The following SYT10 variants were observed in gnomAD, a reference collection of about 807,000 sequenced individuals.
SYT10 encodes the protein synaptotagmin 10.
Under a neutral mutation model 51.1 loss-of-function variants are expected in SYT10, and 31 were observed. The observed-to-expected ratio is 0.61, with a 90% CI of 0.46 to 0.82. The LOEUF is 0.82. Among genes scored for constraint, SYT10 ranks in the 40% least tolerant of loss-of-function variants. SYT10 has a pLI of 0.00. For missense variants in SYT10, 603 were observed against 634.0 expected, an observed-to-expected ratio of 0.95 and a Z score of 0.53; for synonymous variants, 233 against 225.9, an observed-to-expected ratio of 1.03 and a Z score of -0.28.
chr12:33,432,361 G>T (rs1157942620), intron 1 of SYT10: 1 of 151,878 alleles, frequency 6.6e-6, no homozygotes, highest in East Asian at 1.9e-4. Flanking sequence ...GCTCATAATT[G>T]AGTAAATTAT....
Position 33,439,805 on chromosome 12 carries a change from G to C in SYT10, c.-283C>G, listed in dbSNP as rs1378004200. The C allele has an allele frequency of 2.2e-6, 1 of 448,770 alleles. No homozygotes were observed. Among genetic ancestry groups the C allele is most frequent in the Non-Finnish European group, 4.0e-6 (1 of 250,298 alleles). The allele number at this position is 448,770 out of a possible 1,614,324, so 27.8% of individuals were successfully genotyped here. A position where few individuals can be genotyped will look rare whatever the true frequency, so the allele number is the denominator to read the frequency against. On this transcript the variant is annotated 5_prime_UTR_variant, in exon 1 of 7. Coordinates refer to ENST00000228567, the MANE Select transcript of SYT10 (RefSeq NM_198992.4). ...CGAGCCGAGGCGCGCTGGAACTAGA[G>C]ACCCGGCATGGAGTGCTGAGGGGAG...
At chr12:33,407,396 T>C in intron 2 of SYT10, 40 bp from the exon 3 acceptor site, 79 of 1,546,980 alleles carry the variant, frequency 5.1e-5, no homozygotes, top group Non-Finnish European at 6.1e-5. Context: ...TTGAGGGAGA[T>C]CATTTTGATG....
intron 5 of SYT10, among the ~76,000 whole-genome samples, chr12:33,380,349 A>G (rs1033430463): frequency 3.9e-5 from 6 of 152,224 alleles, no homozygotes; most frequent in African/African-American, 1.4e-4. Context: ...TTAATGTTTT[A>G]TAACGATGTT....
chr12:33,399,189 C>T (rs546744660), intron 3 of SYT10, among the ~76,000 whole-genome samples: 8 of 152,276 alleles, frequency 5.3e-5, no homozygotes, highest in Admixed American at 2.0e-4. Context: ...CGGTTGGGAG[C>T]TATTCCTTAA....
At chr12:33,395,195 A>C (rs1015487955) in intron 3 of SYT10, among the ~76,000 whole-genome samples, 2 of 152,246 alleles carry the variant, frequency 1.3e-5, no homozygotes, top group Non-Finnish European at 2.9e-5. Flanking sequence ...AAGCCAGCAG[A>C]TAAGGTACTA....
Position 33,439,621 on chromosome 12 carries a change from C to T in SYT10, c.-99G>A. 7.0e-7 allele frequency: 1 copy of T among 1,425,456 alleles called. No individual in the cohort carries two copies. The highest frequency in any genetic ancestry group is 9.4e-7 in the Non-Finnish European group (1 of 1,061,546). 88.3% of individuals were successfully genotyped at this position (1,425,456 alleles called of 1,614,324 possible). ...TCTGGCGCCCTAAGCCATAGTCCGC[C>T]CGCGGTGACTTTGGCTGGAGATTGC... On this transcript the variant is annotated 5_prime_UTR_variant, in exon 1 of 7. Transcript: ENST00000228567.
chr12:33,415,627 A>G (rs1409507586), intron 2 of SYT10, among the ~76,000 whole-genome samples: 1 of 152,192 alleles, frequency 6.6e-6, no homozygotes, highest in Non-Finnish European at 1.5e-5. Flanking sequence ...TCTCTATTTT[A>G]ATATTAAAAT....
rs1242122928 is a variant in SYT10, at chr12:33,439,657, G to A, written c.-135C>T. ...TTGGCTGGAGATTGCGCCGCTGAGA[G>A]CCGGCAACTCTTAGGAGCCCCACGT... On this transcript the variant is annotated 5_prime_UTR_variant, in exon 1 of 7. Transcript: ENST00000228567. 3 of 1,114,350 alleles carry A rather than the reference G, an allele frequency of 2.7e-6. No individual in the cohort carries two copies. Among genetic ancestry groups the A allele is most frequent in the Non-Finnish European group, 2.5e-6 (2 of 792,830 alleles). 69.0% of individuals were successfully genotyped at this position (1,114,350 alleles called of 1,614,324 possible).
intron 3 of SYT10, among the ~76,000 whole-genome samples, chr12:33,386,990 A>G (rs1379996390): frequency 6.6e-6 from 1 of 152,228 alleles, no homozygotes; most frequent in East Asian, 1.9e-4. Flanking sequence ...ACAATGGACA[A>G]TTTAGGATGC....
chr12:33,380,085 C>A, intron 5 of SYT10, 124 bp from the exon 6 acceptor site: 1 of 981,058 alleles, frequency 1.0e-6, no homozygotes, highest in Non-Finnish European at 1.4e-6. Context: ...GCAGATTATG[C>A]TACTTCAGAC....
intron 2 of SYT10, among the ~76,000 whole-genome samples, chr12:33,415,901 C>G (rs541349041): frequency 6.6e-6 from 1 of 152,274 alleles, no homozygotes; most frequent in East Asian, 1.9e-4. Context: ...TATCCTTAAT[C>G]CCTTTTTAGA....
intron 1 of SYT10, among the ~76,000 whole-genome samples, chr12:33,430,690 A>T (rs1866589940): frequency 6.6e-6 from 1 of 152,220 alleles, no homozygotes; most frequent in South Asian, 2.1e-4. Context: ...ATAAATTAAT[A>T]TAATTTAGTT....
intron 1 of SYT10, among the ~76,000 whole-genome samples, chr12:33,436,648 T>C (rs1866640169): frequency 6.6e-6 from 1 of 152,184 alleles, no homozygotes; most frequent in East Asian, 1.9e-4. Context: ...TTCACTGGCA[T>C]TTGCAAAACC....
Position 33,376,229 on chromosome 12 carries a change from A to G in SYT10, c.*601T>C, listed in dbSNP as rs2389194. The stretch of plus-strand genomic sequence containing the variant: ...ATTCTTTAAATTTACAGCTTTGTCT[A>G]TGTATTTTAAAGAACAAGCTTGAGA... On this transcript the variant is annotated 3_prime_UTR_variant, in exon 7 of 7. Coordinates refer to ENST00000228567, the MANE Select transcript of SYT10 (RefSeq NM_198992.4). The G allele has an allele frequency of 0.72, 109,099 of 152,110 alleles. 40,747 individuals carry two copies. The highest frequency in any genetic ancestry group is 0.95 in the East Asian group (4,921 of 5,184). The allele number at this position is 152,110 out of a possible 1,614,324, so 9.4% of individuals were successfully genotyped here.
chr12:33,415,154 C>G (rs1401911941), intron 2 of SYT10, among the ~76,000 whole-genome samples: 1 of 152,146 alleles, frequency 6.6e-6, no homozygotes. Flanking sequence ...GTAGTGAGGG[C>G]AAATTTAGGC....
At chr12:33,421,654 AG>A (rs1866505993) in intron 2 of SYT10, among the ~76,000 whole-genome samples, 1 of 152,142 alleles carries the variant, frequency 6.6e-6, no homozygotes, top group Non-Finnish European at 1.5e-5. Flanking sequence ...GTGGAATAGG[AG>A]GGCATAAAAG....
At chr12:33,426,652 C>A (rs188706542) in intron 1 of SYT10, among the ~76,000 whole-genome samples, 157 bp from the exon 2 acceptor site, 159 of 152,336 alleles carry the variant, frequency 1.0e-3, no homozygotes, top group African/African-American at 3.7e-3. Context: ...GGTTAATAAT[C>A]ATTCCTGGAA....
At position 33,409,202 on chromosome 12, in the gene SYT10, G is replaced by C. The variant is rs554721598; in HGVS notation, c.510-1846C>G. Among the ~76,000 whole-genome samples the C allele has an allele frequency of 1.6e-4, 24 of 152,226 alleles. No homozygotes were observed. The East Asian group carries it at 4.6e-3, about 29-fold the overall frequency. On this transcript the variant is annotated intron_variant, in intron 2 of 6. Transcript: ENST00000228567. ...TTGCATGATTAATATTTGATTCACT[G>C]ATGCACACATGAAGCTCGATTTCTT...
chr12:33,402,543 T>C (rs1866315800), intron 3 of SYT10, among the ~76,000 whole-genome samples: 1 of 152,234 alleles, frequency 6.6e-6, no homozygotes, highest in Admixed American at 6.5e-5. Flanking sequence ...TATTTCTTTG[T>C]TATTTGTCTC....
Sources: gnomAD v4.1 joint callset for allele counts (sites outside exome capture counted in the v4.1 genomes callset) on GRCh38, gnomAD v4.1.1 for gene constraint, MANE v1.5 for transcripts, NCBI Gene and HGNC (gene_info 2026-07-23, HGNC 2026-07-21) for gene names.